Variants in NEGR1 observed in about 807,000 individuals in gnomAD.
NEGR1 encodes the protein neuronal growth regulator 1, also known as IgLON family member 4.
In NEGR1, 10 loss-of-function variants were observed where a neutral mutation model predicts 40.9. That is an observed-to-expected ratio of 0.24 (90% CI 0.15 to 0.42). The LOEUF (loss-of-function observed/expected upper bound fraction) is 0.42, where lower values mean the gene tolerates loss of function less well. Ranked by LOEUF, NEGR1 falls within the 10% of genes least tolerant of loss-of-function variation. The pLI, the probability that NEGR1 is intolerant of heterozygous loss-of-function variation, is 1.00. For synonymous variants in NEGR1, 185 were observed against 166.8 expected, an observed-to-expected ratio of 1.11 and a Z score of -0.84; for missense variants, 352 against 438.9, an observed-to-expected ratio of 0.80 and a Z score of 1.77.
intron 1 of NEGR1, among the ~76,000 whole-genome samples, chr1:71,995,289 G>A (rs1056379781): frequency 6.6e-6 from 1 of 152,106 alleles, no homozygotes; most frequent in Non-Finnish European, 1.5e-5. Flanking sequence ...TGGGAGAATT[G>A]ACAACTTAAA....
chr1:72,159,260 C>T (rs879732320), intron 1 of NEGR1, among the ~76,000 whole-genome samples: 3 of 152,052 alleles, frequency 2.0e-5, no homozygotes, highest in Non-Finnish European at 2.9e-5. Context: ...GTCTCCTTGC[C>T]GTTCCGTAAC....
intron 4 of NEGR1, among the ~76,000 whole-genome samples, chr1:71,666,496 C>T (rs1202853722): frequency 6.6e-6 from 1 of 151,838 alleles, no homozygotes; most frequent in Non-Finnish European, 1.5e-5. Context: ...TACTGCAGAT[C>T]TTTATTTCAA....
chr1:71,748,842 T>G (rs1655472442), intron 3 of NEGR1, among the ~76,000 whole-genome samples: 1 of 152,142 alleles, frequency 6.6e-6, no homozygotes, highest in South Asian at 2.1e-4. Flanking sequence ...TATAAAGGAC[T>G]GTAATATGTT....
chr1:71,686,659 C>T (rs148823184), intron 4 of NEGR1, among the ~76,000 whole-genome samples: 28 of 152,148 alleles, frequency 1.8e-4, no homozygotes, highest in Non-Finnish European at 3.2e-4. Context: ...AAGCAGTAGG[C>T]GCAGGAAGAA....
chr1:71,852,229 C>T (rs952852698), intron 2 of NEGR1, among the ~76,000 whole-genome samples: 1 of 152,060 alleles, frequency 6.6e-6, no homozygotes, highest in African/African-American at 2.4e-5. Flanking sequence ...GACTACATGT[C>T]ACAGGACCTC....
intron 1 of NEGR1, among the ~76,000 whole-genome samples, chr1:72,198,411 G>C (rs1476646666): frequency 1.3e-5 from 2 of 151,976 alleles, no homozygotes; most frequent in Non-Finnish European, 2.9e-5. Flanking sequence ...CATTGTCCTA[G>C]CAACAAGGTG....
chr1:71,677,701 A>G (rs2101606710), intron 4 of NEGR1, among the ~76,000 whole-genome samples: 1 of 152,288 alleles, frequency 6.6e-6, no homozygotes, highest in East Asian at 1.9e-4. Flanking sequence ...TCACTGTCTC[A>G]GCATGACCAC....
At chr1:71,927,405 A>G (rs1427192664) in intron 2 of NEGR1, among the ~76,000 whole-genome samples, 1 of 152,112 alleles carries the variant, frequency 6.6e-6, no homozygotes, top group African/African-American at 2.4e-5. Flanking sequence ...TATATTTGGG[A>G]AAATAATCTT....
At chr1:71,541,777 G>T (rs1647709888) in intron 6 of NEGR1, among the ~76,000 whole-genome samples, 1 of 151,782 alleles carries the variant, frequency 6.6e-6, no homozygotes, top group Non-Finnish European at 1.5e-5. Flanking sequence ...GCCTGCCAAA[G>T]AGCAGCTGTA....
chr1:71,577,672 C>A (rs1649007362), intron 6 of NEGR1, among the ~76,000 whole-genome samples: 1 of 152,112 alleles, frequency 6.6e-6, no homozygotes, highest in Non-Finnish European at 1.5e-5. Flanking sequence ...GGTAATCAGA[C>A]CAATTTCTAG....
At chr1:71,763,746 AGTGTGTGT>A (rs55890627) in intron 3 of NEGR1, among the ~76,000 whole-genome samples, 146 of 149,846 alleles carry the variant, frequency 9.7e-4, no homozygotes, top group East Asian at 1.4e-3. Flanking sequence ...CATATTTAGG[AGTGTGTGT>A]GTGTGTGTGT....
intron 1 of NEGR1, among the ~76,000 whole-genome samples, chr1:72,084,938 A>C (rs1324894158): frequency 4.6e-5 from 7 of 152,212 alleles, no homozygotes; most frequent in African/African-American, 1.7e-4. Flanking sequence ...AATTAAATGA[A>C]AGCAACATAA....
chr1:72,157,906 CCTGT>C (rs1246168882), intron 1 of NEGR1, among the ~76,000 whole-genome samples: 1 of 152,070 alleles, frequency 6.6e-6, no homozygotes, highest in Non-Finnish European at 1.5e-5. Context: ...ACTATGAGAC[CCTGT>C]CTAAGAGGAC....
rs779511800 is a variant in NEGR1 at position 71,407,386 on chromosome 1, T to C, written c.*60A>G. The C allele has an allele frequency of 6.5e-4, 1,003 of 1,550,250 alleles. 1 individual carries two copies. The highest frequency in any genetic ancestry group is 8.2e-4 in the Non-Finnish European group (930 of 1,129,510). Reference sequence around the variant, plus strand: ...GCTGCTTTTAACAAACTGTACCAGATTGGATCCAGCCATCAGCACTTTCAG... The same window carrying C: ...GCTGCTTTTAACAAACTGTACCAGACTGGATCCAGCCATCAGCACTTTCAG... On this transcript the variant is annotated 3_prime_UTR_variant, in exon 7 of 7. Transcript: ENST00000357731.
chr1:71,536,575 T>A (rs1039230151), intron 6 of NEGR1, among the ~76,000 whole-genome samples: 6 of 151,736 alleles, frequency 4.0e-5, no homozygotes, highest in Admixed American at 1.3e-4. Flanking sequence ...TTGTAAATTA[T>A]CTAGCCGCAG....
At chr1:71,546,089 A>G (rs972398610) in intron 6 of NEGR1, among the ~76,000 whole-genome samples, 3 of 151,754 alleles carry the variant, frequency 2.0e-5, no homozygotes, top group Non-Finnish European at 4.4e-5. Context: ...TTTAATTGAC[A>G]CAACAGCTCT....
At chr1:71,787,218 ACTTAT>A (rs1265071753) in intron 2 of NEGR1, among the ~76,000 whole-genome samples, 1 of 152,204 alleles carries the variant, frequency 6.6e-6, no homozygotes, top group Non-Finnish European at 1.5e-5. Context: ...AAATTTGAGA[ACTTAT>A]CTTATGTGAC....
At chr1:71,898,151 A>G (rs1473030236) in intron 2 of NEGR1, among the ~76,000 whole-genome samples, 2 of 152,218 alleles carry the variant, frequency 1.3e-5, no homozygotes, top group African/African-American at 2.4e-5. Flanking sequence ...AAAGTATTCA[A>G]TGACATTACT....
intron 4 of NEGR1, among the ~76,000 whole-genome samples, chr1:71,630,472 T>C (rs1319902066): frequency 6.6e-6 from 1 of 151,934 alleles, no homozygotes; most frequent in African/African-American, 2.4e-5. Context: ...TGTATAAAGA[T>C]TGGACAAGAT....
Sources: allele counts gnomAD v4.1 joint callset (sites outside exome capture counted in the v4.1 genomes callset), GRCh38; gene constraint gnomAD v4.1.1; transcripts MANE v1.5; gene names NCBI Gene and HGNC (gene_info 2026-07-23, HGNC 2026-07-21).